The following ZSCAN5A variants were observed in gnomAD, a reference collection of about 807,000 sequenced individuals.
ZSCAN5A encodes the protein zinc finger and SCAN domain containing 5A, also known as zinc finger and SCAN domain-containing protein 5A.
ZSCAN5A carries 12 observed loss-of-function variants against 23.7 expected under a neutral mutation model. The ratio of observed to expected loss-of-function variants is 0.51; its 90% CI spans 0.32 to 0.82. The LOEUF (loss-of-function observed/expected upper bound fraction) is 0.82. Ranked by LOEUF, ZSCAN5A falls within the 40% of genes least tolerant of loss-of-function variation. The pLI is 0.03. For missense variants in ZSCAN5A, 597 were observed against 617.9 expected (o/e 0.97, Z 0.36); for synonymous variants, 257 against 239.9 (o/e 1.07, Z -0.66).
chr19:56,238,007 A>G lies in ZSCAN5A; in HGVS notation c.-127-12834T>C, dbSNP rs77452855. ...CACATACACACATACGCACACATACACACACACGTCAAAGAAACAAAAAGC... is the reference window on the plus strand; with the variant it reads ...CACATACACACATACGCACACATACGCACACACGTCAAAGAAACAAAAAGC... On this transcript the variant is annotated intron_variant, in intron 2 of 5. Coordinates refer to ENST00000683990, the MANE Select transcript of ZSCAN5A (RefSeq NM_001322064.3). 2.1e-3 allele frequency among the ~76,000 whole-genome samples: 47 copies of G among 22,850 alleles called. 3 individuals are homozygous for G. The highest frequency in any genetic ancestry group is 2.2e-3 in the Non-Finnish European group (30 of 13,526). 15.0% of individuals were successfully genotyped at this position (22,850 alleles called of 152,430 possible).
chr19:56,353,632 A>G (rs766513866), intron 2 of ZSCAN5A, among the ~76,000 whole-genome samples: 2 of 151,830 alleles, frequency 1.3e-5, no homozygotes, highest in Non-Finnish European at 1.5e-5. Context: ...AATACAAAAA[A>G]TTAGCTGCGC....
At chr19:56,270,049 T>G (rs2037737606) in intron 2 of ZSCAN5A, among the ~76,000 whole-genome samples, 1 of 152,020 alleles carries the variant, frequency 6.6e-6, no homozygotes, top group African/African-American at 2.4e-5. Flanking sequence ...TGATTGGCTG[T>G]CTGTGACTAT....
intron 2 of ZSCAN5A, among the ~76,000 whole-genome samples, chr19:56,234,135 G>A (rs892180): frequency 6.6e-6 from 1 of 151,950 alleles, no homozygotes; most frequent in African/African-American, 2.4e-5. Flanking sequence ...CAGCCAATTC[G>A]TCAGTGAATG....
Position 56,336,469 on chromosome 19 carries a change from C to T in ZSCAN5A, c.-357-20201G>A, listed in dbSNP as rs2041537305. On this transcript the variant is annotated intron_variant, in intron 2 of 6. Coordinates refer to the ZSCAN5A transcript ENST00000587340. ...TAAGGACTTCTCTGCATTGGTTATT[C>T]TAGATAGCCATTCGTCTAATTTTTT... Among the ~76,000 whole-genome samples the T allele has an allele frequency of 1.3e-5, 2 of 152,274 alleles. 1 individual carries two copies. The highest frequency in any genetic ancestry group is 2.9e-5 in the Non-Finnish European group (2 of 68,032).
At chr19:56,340,273 T>A (rs2041581350) in intron 2 of ZSCAN5A, among the ~76,000 whole-genome samples, 1 of 152,136 alleles carries the variant, frequency 6.6e-6, no homozygotes, top group Admixed American at 6.6e-5. Context: ...CCCTATCATC[T>A]TTCTGTCAGC....
At chr19:56,342,057 A>G (rs1468939223) in intron 2 of ZSCAN5A, among the ~76,000 whole-genome samples, 2 of 152,192 alleles carry the variant, frequency 1.3e-5, no homozygotes, top group African/African-American at 4.8e-5. Flanking sequence ...GTGTTTTCTT[A>G]CATCAAACCC....
chr19:56,244,712 TG>T (rs1351795845), intron 2 of ZSCAN5A, among the ~76,000 whole-genome samples: 1 of 149,560 alleles, frequency 6.7e-6, no homozygotes, highest in Non-Finnish European at 1.5e-5. Context: ...AAGTTCCTGG[TG>T]TAGGAGATGG....
chr19:56,244,454 G>A, intron 2 of ZSCAN5A: 5 of 1,565,640 alleles, frequency 3.2e-6, no homozygotes, highest in Non-Finnish European at 4.3e-6. Context: ...GACTGGTGCA[G>A]GGAAGGGGAG....
In ZSCAN5A at chr19:56,265,783, T is replaced by C. The variant is rs142934778; in HGVS notation, c.-127-40610A>G. 5.6e-3 allele frequency among the ~76,000 whole-genome samples: 852 copies of C among 152,242 alleles called. 5 individuals carry two copies. Among genetic ancestry groups the C allele is most frequent in the Middle Eastern group, 0.017 (5 of 294 alleles). On this transcript the variant is annotated intron_variant, in intron 2 of 5. Coordinates refer to ENST00000683990, the MANE Select transcript of ZSCAN5A (RefSeq NM_001322064.3). ...CTTCTTCCACTCTTGCTTTACTCAA[T>C]TCGAGATTTAAAGTGCCAGGTAAGC...
At chr19:56,323,783 G>A (rs1231938770) in intron 2 of ZSCAN5A, among the ~76,000 whole-genome samples, 3 of 151,834 alleles carry the variant, frequency 2.0e-5, no homozygotes, top group South Asian at 2.1e-4. Flanking sequence ...TGATCCACCC[G>A]CCTCAGCCTC....
intron 2 of ZSCAN5A, among the ~76,000 whole-genome samples, chr19:56,255,848 C>A (rs1301451338): frequency 1.3e-5 from 2 of 152,112 alleles, no homozygotes; most frequent in African/African-American, 4.8e-5. Context: ...AGGCAGAAAA[C>A]ATGATTTGTT....
intron 2 of ZSCAN5A, among the ~76,000 whole-genome samples, chr19:56,268,199 G>A (rs909148469): frequency 8.5e-5 from 13 of 152,204 alleles, no homozygotes; most frequent in African/African-American, 3.1e-4. Flanking sequence ...TCAGTGGCTT[G>A]GGACTCCTTG....
Position 56,351,535 on chromosome 19 carries a change from G to A in ZSCAN5A, c.-358+11700C>T, listed in dbSNP as rs538525723. The stretch of plus-strand genomic sequence containing the variant: ...ATATAAGGGACTGTCTTTCTGTTGC[G>A]CACAGGGTCTATCTCTGTTCCTTTC... On this transcript the variant is annotated intron_variant, in intron 2 of 6. Coordinates refer to the ZSCAN5A transcript ENST00000587340. This position sits in a 1 kb window ranked among gnomAD's most constrained non-coding sequence, Gnocchi z 4.8. Among the ~76,000 whole-genome samples the A allele has an allele frequency of 2.6e-4, 39 of 152,190 alleles. No individual in the cohort carries two copies. In the Middle Eastern group the frequency reaches 0.02, roughly 80 times the overall value.
At chr19:56,228,878 G>A (rs1019168858) in intron 2 of ZSCAN5A, among the ~76,000 whole-genome samples, 2 of 152,154 alleles carry the variant, frequency 1.3e-5, no homozygotes. Flanking sequence ...CTAAATCAGT[G>A]GTTTGATATC....
At chr19:56,292,811 G>A (rs570443178) in intron 2 of ZSCAN5A, among the ~76,000 whole-genome samples, 13 of 152,290 alleles carry the variant, frequency 8.5e-5, no homozygotes, top group Non-Finnish European at 1.6e-4. Context: ...AAGTAGAATC[G>A]TACACGATGT....
At position 56,286,489 on chromosome 19, in the gene ZSCAN5A, T is replaced by C. The variant is rs541217425; in HGVS notation, c.-128+26794A>G. 2.0e-5 allele frequency: 3 copies of C among 152,176 alleles called. No individual in the cohort carries two copies. In the South Asian group the frequency reaches 6.2e-4, roughly 32 times the overall value. 9.4% of individuals were successfully genotyped at this position (152,176 alleles called of 1,614,324 possible). A position where few individuals can be genotyped will look rare whatever the true frequency, so the allele number is the denominator to read the frequency against. ...CAGCTTTCTCCTTAAGTCAATAAACTTGAAAAAGTTGCTTTATACCGCTTG... is the reference window on the plus strand; with the variant it reads ...CAGCTTTCTCCTTAAGTCAATAAACCTGAAAAAGTTGCTTTATACCGCTTG... On this transcript the variant is annotated intron_variant, in intron 2 of 5. Coordinates refer to ENST00000683990, the MANE Select transcript of ZSCAN5A (RefSeq NM_001322064.3).
At chr19:56,285,057 T>A (rs1266717246) in intron 2 of ZSCAN5A, 1 of 981,096 alleles carries the variant, frequency 1.0e-6, no homozygotes, top group African/African-American at 1.8e-5. Context: ...TTAAACCTGG[T>A]CTTTCTCTTG....
At chr19:56,367,010 C>T (rs1002569496) in intron 1 of ZSCAN5A, among the ~76,000 whole-genome samples, 2 of 152,186 alleles carry the variant, frequency 1.3e-5, no homozygotes, top group African/African-American at 4.8e-5. Context: ...CGTATTAAAA[C>T]CAACTCATAA....
At chr19:56,343,884 A>G (rs1263918091) in intron 2 of ZSCAN5A, among the ~76,000 whole-genome samples, 1 of 152,218 alleles carries the variant, frequency 6.6e-6, no homozygotes, top group Admixed American at 6.5e-5. Context: ...ATGTTTTCCT[A>G]CAATATATTT....
Sources: gnomAD v4.1 joint callset for allele counts (sites outside exome capture counted in the v4.1 genomes callset) on GRCh38, gnomAD v4.1.1 for gene constraint, Gnocchi (gnomAD v3.1) non-coding constraint, MANE v1.5 for transcripts, NCBI Gene and HGNC (gene_info 2026-07-23, HGNC 2026-07-21) for gene names.